The following TC2N variants were observed in gnomAD, a reference collection of about 807,000 sequenced individuals.
TC2N encodes the protein tandem C2 domains, nuclear.
In TC2N, 51 loss-of-function variants were observed where a neutral mutation model predicts 61.9. That is an observed-to-expected ratio of 0.82 (90% CI 0.66 to 1.04). The LOEUF is 1.04. Ranked by LOEUF, TC2N falls within the 50% of genes least tolerant of loss-of-function variation. The pLI, the probability that TC2N is intolerant of heterozygous loss-of-function variation, is 0.00. For synonymous variants in TC2N, 204 were observed against 192.6 expected (o/e 1.06, Z -0.49); for missense variants, 556 against 566.7 (o/e 0.98, Z 0.19).
chr14:91,784,065 T>C (rs1885246922), intron 11 of TC2N, among the ~76,000 whole-genome samples: 1 of 152,114 alleles, frequency 6.6e-6, no homozygotes, highest in East Asian at 1.9e-4. Flanking sequence ...TACCCCATCA[T>C]AGTTCCTCCT....
At chr14:91,797,225 T>C (rs1331024591) in intron 8 of TC2N, among the ~76,000 whole-genome samples, 2 of 152,076 alleles carry the variant, frequency 1.3e-5, no homozygotes, top group African/African-American at 4.8e-5. Context: ...AAGAAACTTT[T>C]TATATGTTTA....
chr14:91,833,207 G>A (rs1183764861), intron 1 of TC2N, among the ~76,000 whole-genome samples: 1 of 152,168 alleles, frequency 6.6e-6, no homozygotes. Flanking sequence ...ATCTGTAGAT[G>A]TGTCAAAAGT....
At chr14:91,822,976 A>T (rs2139881066) in intron 1 of TC2N, among the ~76,000 whole-genome samples, 1 of 151,786 alleles carries the variant, frequency 6.6e-6, no homozygotes, top group African/African-American at 2.4e-5. Flanking sequence ...CAGCCTCCCA[A>T]AGTGCTGGGA....
In TC2N at chr14:91,785,166, C is replaced by G; in HGVS notation, c.1358G>C (p.Gly453Ala). 1 of 1,610,418 alleles carries G rather than the reference C, an allele frequency of 6.2e-7. No homozygotes were observed. The change falls in exon 11 of 12, where the codon GGC becomes GCC. Residue 453 changes from glycine (G) to alanine (A), a missense_variant. By Grantham distance (60) the Gly-to-Ala change is moderately conservative (BLOSUM62 0). Transcript: ENST00000435962. ...RSSVRRKHFVGQIWISEDSNN... is the reference protein window; with the variant it reads ...RSSVRRKHFVAQIWISEDSNN... ...AGGATAAAAACTCCTACTAACCTGG[C>G]CCACAAAGTGTTTTCTTCTTACAGA... is the stretch of plus-strand genomic sequence containing the variant.
intron 1 of TC2N, among the ~76,000 whole-genome samples, chr14:91,844,403 G>C (rs1474431975): frequency 6.6e-6 from 1 of 152,104 alleles, no homozygotes; most frequent in African/African-American, 2.4e-5. Context: ...CATGCCCACA[G>C]ACTCACACAC....
intron 1 of TC2N, among the ~76,000 whole-genome samples, chr14:91,816,880 T>C (rs756562468): frequency 1.3e-5 from 2 of 151,944 alleles, no homozygotes; most frequent in Non-Finnish European, 2.9e-5. Context: ...GTTCTGTCTA[T>C]TCCTGTACCA....
At chr14:91,805,038 A>G (rs1391033865) in intron 3 of TC2N, among the ~76,000 whole-genome samples, 1 of 152,230 alleles carries the variant, frequency 6.6e-6, no homozygotes, top group Non-Finnish European at 1.5e-5. Context: ...ACATAAAGCT[A>G]AATTCTTCAA....
intron 1 of TC2N, among the ~76,000 whole-genome samples, chr14:91,864,649 T>A (rs1888659065): frequency 6.6e-6 from 1 of 152,202 alleles, no homozygotes; most frequent in Non-Finnish European, 1.5e-5. Flanking sequence ...AAACTTCTTT[T>A]AAACAGAATC....
chr14:91,787,516 A>G lies in TC2N; in HGVS notation c.1159T>C (p.Leu387=). 6.3e-7 allele frequency: 1 copy of G among 1,596,902 alleles called. No homozygotes were observed. Among genetic ancestry groups the G allele is most frequent in the Non-Finnish European group, 8.6e-7 (1 of 1,168,770 alleles). Residue 387 remains leucine, a synonymous_variant, in exon 10 of 12, where the codon TTG becomes CTG. Coordinates refer to ENST00000435962, the MANE Select transcript of TC2N (RefSeq NM_001128596.3). ...TTTGAACCACTGATATACTTACTCAAAGTCAGAGGTGTTGATGAGCTTGGA... is the reference window on the plus strand; with the variant it reads ...TTTGAACCACTGATATACTTACTCAGAGTCAGAGGTGTTGATGAGCTTGGA... The part of the protein sequence containing the change: ...YLPSSSTPLT[L]SFFVKVGMFS...
intron 4 of TC2N, among the ~76,000 whole-genome samples, chr14:91,801,070 ATG>A (rs68081909): frequency 0.09 from 10,938 of 121,878 alleles, 1,031 homozygotes; most frequent in African/African-American, 0.23. Flanking sequence ...ATACATATAT[ATG>A]TGTGTGTGTA....
intron 1 of TC2N, among the ~76,000 whole-genome samples, chr14:91,843,233 T>G (rs1169784263): frequency 1.3e-5 from 2 of 151,452 alleles, no homozygotes; most frequent in African/African-American, 2.4e-5. Flanking sequence ...ATTTTTTTTT[T>G]GTACCATGGC....
chr14:91,809,314 A>G (rs1179603055), intron 3 of TC2N, among the ~76,000 whole-genome samples: 1 of 152,202 alleles, frequency 6.6e-6, no homozygotes, highest in African/African-American at 2.4e-5. Flanking sequence ...AGGCTGAGGC[A>G]TGAGAATTGT....
chr14:91,781,045 A>G lies in TC2N; in HGVS notation c.*2055T>C, dbSNP rs1448088774. On this transcript the variant is annotated 3_prime_UTR_variant, in exon 12 of 12. Transcript: ENST00000435962. Reference sequence around the variant, plus strand: ...ATAGCTTTCCCTTAAATTATACATCATACATACATTGTAAGAATATAGAAA... The same window carrying G: ...ATAGCTTTCCCTTAAATTATACATCGTACATACATTGTAAGAATATAGAAA... 1 of 152,128 alleles carries G rather than the reference A, an allele frequency of 6.6e-6. No individual in the cohort carries two copies. The highest frequency in any genetic ancestry group is 1.5e-5 in the Non-Finnish European group (1 of 67,988). The allele number at this position is 152,128 out of a possible 1,614,324, so 9.4% of individuals were successfully genotyped here. A position where few individuals can be genotyped will look rare whatever the true frequency, so the allele number is the denominator to read the frequency against.
chr14:91,847,765 T>C (rs1865676406), intron 1 of TC2N, among the ~76,000 whole-genome samples: 1 of 152,220 alleles, frequency 6.6e-6, no homozygotes, highest in African/African-American at 2.4e-5. Flanking sequence ...ATGCTGTTGT[T>C]TTGAGCCACT....
chr14:91,836,828 G>C (rs1888045576), intron 1 of TC2N, among the ~76,000 whole-genome samples: 1 of 152,184 alleles, frequency 6.6e-6, no homozygotes. Flanking sequence ...AGGGGGAAGA[G>C]AGGGGAAGCT....
chr14:91,780,787 C>T lies in TC2N; in HGVS notation c.*2313G>A, dbSNP rs534456976. On this transcript the variant is annotated 3_prime_UTR_variant, in exon 12 of 12. Coordinates refer to ENST00000435962, the MANE Select transcript of TC2N (RefSeq NM_001128596.3). ...CTACCAGCTCCTAACGTTTTTCTCA[C>T]AATATGCATACCTATTAGCAGGAGA... 1.3e-5 allele frequency: 2 copies of T among 152,280 alleles called. No individual in the cohort carries two copies. The highest frequency in any genetic ancestry group is 2.1e-4 in the South Asian group (1 of 4,824). The allele number at this position is 152,280 out of a possible 1,614,324, so 9.4% of individuals were successfully genotyped here.
At position 91,782,348 on chromosome 14, in the gene TC2N, A is replaced by G. The variant is rs1322437017; in HGVS notation, c.*752T>C. ...AATTAGGATGGACCATATGGATGATACTCTTATTTTAACTCCAAATAAAAC... is the reference window on the plus strand; with the variant it reads ...AATTAGGATGGACCATATGGATGATGCTCTTATTTTAACTCCAAATAAAAC... On this transcript the variant is annotated 3_prime_UTR_variant, in exon 12 of 12. Coordinates refer to ENST00000435962, the MANE Select transcript of TC2N (RefSeq NM_001128596.3). 1.3e-5 allele frequency: 2 copies of G among 152,056 alleles called. No homozygotes were observed. Among genetic ancestry groups the G allele is most frequent in the Non-Finnish European group, 2.9e-5 (2 of 67,904 alleles). The allele number at this position is 152,056 out of a possible 1,614,324, so 9.4% of individuals were successfully genotyped here.
chr14:91,785,012 C>T, intron 11 of TC2N, 150 bp downstream of exon 11: 1 of 534,404 alleles, frequency 1.9e-6, no homozygotes, highest in Non-Finnish European at 3.2e-6. Context: ...AAAAGTCTGA[C>T]AAGTTTCGAT....
chr14:91,816,752 C>T (rs761303814), intron 1 of TC2N, among the ~76,000 whole-genome samples: 2 of 151,860 alleles, frequency 1.3e-5, no homozygotes, highest in Non-Finnish European at 2.9e-5. Context: ...ATCTCATTAG[C>T]ACAAACACCA....
Sources: gnomAD v4.1 joint callset for allele counts (sites outside exome capture counted in the v4.1 genomes callset) on GRCh38, gnomAD v4.1.1 for gene constraint, MANE v1.5 for transcripts, NCBI Gene and HGNC (gene_info 2026-07-23, HGNC 2026-07-21) for gene names.